The following PAPPA2 variants were observed in gnomAD, a reference collection of about 807,000 sequenced individuals.
PAPPA2 encodes pappalysin 2.
Under a neutral mutation model 176.4 loss-of-function variants are expected in PAPPA2, and 86 were observed. The observed-to-expected ratio is 0.49, with a 90% CI of 0.41 to 0.58. PAPPA2 has a LOEUF of 0.58. Ranked by LOEUF, PAPPA2 falls within the 20% of genes least tolerant of loss-of-function variation. The pLI is 0.00. For missense variants in PAPPA2, 2,073 were observed against 2,256.9 expected, an observed-to-expected ratio of 0.92 and a Z score of 1.65; for synonymous variants, 809 against 852.2, an observed-to-expected ratio of 0.95 and a Z score of 0.88.
In PAPPA2 at chr1:176,840,193, G is replaced by C; in HGVS notation, c.5223G>C (p.Trp1741Cys). 1 of 1,613,270 alleles carries C rather than the reference G, an allele frequency of 6.2e-7. No homozygotes were observed. The highest frequency in any genetic ancestry group is 8.5e-7 in the Non-Finnish European group (1 of 1,179,480). The change falls in exon 22 of 23, where the codon TGG (tryptophan) becomes TGC (cysteine). Residue 1741 changes from tryptophan to cysteine, a missense_variant. This residue lies in a region of PAPPA2 where 846 missense variants were observed against 857.9 expected (regional missense o/e 0.99). Transcript: ENST00000367662. ...TACAGCCCTTCCAAGCAGATGGTTG[G>C]TGTGACACTATCAACAACCGAGCCT... ...QSCEPFQADG[W>C]CDTINNRAYC... is the part of the protein sequence containing the mutation.
At chr1:176,824,198 T>C (rs1666770842) in intron 21 of PAPPA2, among the ~76,000 whole-genome samples, 1 of 152,206 alleles carries the variant, frequency 6.6e-6, no homozygotes, top group Non-Finnish European at 1.5e-5. Flanking sequence ...GAACATCTGC[T>C]GTGGGGAACA....
intron 3 of PAPPA2, among the ~76,000 whole-genome samples, chr1:176,630,541 G>T (rs576821322): frequency 6.6e-6 from 1 of 152,140 alleles, no homozygotes; most frequent in African/African-American, 2.4e-5. Flanking sequence ...TCAACATTTT[G>T]TAGAAGTATG....
chr1:176,518,243 C>A (rs1301636212), intron 1 of PAPPA2, among the ~76,000 whole-genome samples: 1 of 152,144 alleles, frequency 6.6e-6, no homozygotes, highest in Non-Finnish European at 1.5e-5. Context: ...TTGCCACCCT[C>A]CTAACTTTAA....
intron 14 of PAPPA2, among the ~76,000 whole-genome samples, chr1:176,764,638 T>C (rs866677869): frequency 2.1e-4 from 32 of 149,610 alleles, no homozygotes; most frequent in Middle Eastern, 3.5e-3. Flanking sequence ...GCTCTGTCGC[T>C]CAGGCTGGAG....
intron 21 of PAPPA2, among the ~76,000 whole-genome samples, chr1:176,801,913 GTCCC>G (rs1186487865): frequency 1.3e-5 from 2 of 152,136 alleles, no homozygotes; most frequent in Admixed American, 1.3e-4. Context: ...GCTGTCGTCA[GTCCC>G]TTTGTTGATG....
At chr1:176,519,566 C>T (rs557070659) in intron 1 of PAPPA2, among the ~76,000 whole-genome samples, 39 of 152,164 alleles carry the variant, frequency 2.6e-4, no homozygotes, top group Non-Finnish European at 4.4e-4. Flanking sequence ...TTTCTCCGTC[C>T]ATGCCATGAA....
At chr1:176,654,217 G>C (rs1267639238) in intron 3 of PAPPA2, among the ~76,000 whole-genome samples, 3 of 151,486 alleles carry the variant, frequency 2.0e-5, no homozygotes, top group African/African-American at 7.3e-5. Flanking sequence ...AATCCATCCT[G>C]AGTTGATTTT....
chr1:176,730,696 T>G (rs1006174854), intron 12 of PAPPA2, among the ~76,000 whole-genome samples: 4 of 152,024 alleles, frequency 2.6e-5, no homozygotes, highest in African/African-American at 9.7e-5. Context: ...TTCTAGGTTT[T>G]GGTGTTGAAA....
chr1:176,665,427 C>T (rs1485765177), intron 3 of PAPPA2, among the ~76,000 whole-genome samples: 2 of 152,176 alleles, frequency 1.3e-5, no homozygotes, highest in Non-Finnish European at 1.5e-5. Context: ...AGAGAGTTGG[C>T]GCCTGATGCA....
intron 1 of PAPPA2, among the ~76,000 whole-genome samples, chr1:176,553,152 G>A (rs553563267): frequency 6.6e-6 from 1 of 151,802 alleles, no homozygotes; most frequent in South Asian, 2.1e-4. Context: ...TGATTCACTT[G>A]ACAGATTATT....
At chr1:176,565,519 A>T (rs952256599) in intron 2 of PAPPA2, among the ~76,000 whole-genome samples, 2 of 151,958 alleles carry the variant, frequency 1.3e-5, no homozygotes, top group African/African-American at 4.8e-5. Context: ...ATATGACGAA[A>T]CCCCATCTCT....
At position 176,799,806 on chromosome 1, in the gene PAPPA2, G is replaced by A. The variant is rs186489829; in HGVS notation, c.5131-255G>A. Among the ~76,000 whole-genome samples, 281 of 152,108 alleles carry A rather than the reference G, an allele frequency of 1.8e-3. 7 individuals carry two copies. The highest frequency in any genetic ancestry group is 6.8e-4 in the Non-Finnish European group (46 of 67,996). On this transcript the variant is annotated intron_variant, in intron 20 of 22. Transcript: ENST00000367662. ...CACACTACACCACTCTGAAAATTTC[G>A]GTATCTTGGGAAAGAGGATGAAAAG...
At chr1:176,689,900 C>T (rs1297179092) in intron 4 of PAPPA2, among the ~76,000 whole-genome samples, 8 of 152,118 alleles carry the variant, frequency 5.3e-5, no homozygotes, top group Admixed American at 5.2e-4. Context: ...GTCAACATTG[C>T]TATCCTGGGC....
chr1:176,630,509 T>C (rs907798639), intron 3 of PAPPA2, among the ~76,000 whole-genome samples: 1 of 152,138 alleles, frequency 6.6e-6, no homozygotes, highest in South Asian at 2.1e-4. Flanking sequence ...TGAAGATTGT[T>C]TAAACAGATG....
At chr1:176,542,720 T>G (rs980868671) in intron 1 of PAPPA2, among the ~76,000 whole-genome samples, 1 of 152,172 alleles carries the variant, frequency 6.6e-6, no homozygotes, top group Non-Finnish European at 1.5e-5. Flanking sequence ...GATTTCCTGC[T>G]CCTGCTATGG....
chr1:176,766,120 C>A (rs375803000), intron 15 of PAPPA2, among the ~76,000 whole-genome samples: 1 of 152,120 alleles, frequency 6.6e-6, no homozygotes, highest in African/African-American at 2.4e-5. Flanking sequence ...CCTCCTTTTG[C>A]CTTTAAGATG....
At chr1:176,559,553 C>A (rs557278135) in intron 2 of PAPPA2, among the ~76,000 whole-genome samples, 1 of 152,316 alleles carries the variant, frequency 6.6e-6, no homozygotes, top group South Asian at 2.1e-4. Context: ...GCTCTCCATG[C>A]CTGAGAACCA....
chr1:176,504,548 T>TC (rs1188592800), intron 1 of PAPPA2, among the ~76,000 whole-genome samples: 3 of 152,152 alleles, frequency 2.0e-5, no homozygotes, highest in Non-Finnish European at 4.4e-5. Flanking sequence ...GCACAGACTG[T>TC]GTTCAGGATG....
At chr1:176,780,125 T>C (rs541044861) in intron 17 of PAPPA2, among the ~76,000 whole-genome samples, 3 of 152,296 alleles carry the variant, frequency 2.0e-5, no homozygotes, top group African/African-American at 4.8e-5. Flanking sequence ...TAACTTTGCT[T>C]TCTCAAGGAG....
Sources: gnomAD v4.1 joint callset for allele counts (sites outside exome capture counted in the v4.1 genomes callset) on GRCh38, gnomAD v4.1.1 for gene constraint, gnomAD v4.1.1 regional missense constraint, MANE v1.5 for transcripts, NCBI Gene and HGNC (gene_info 2026-07-23, HGNC 2026-07-21) for gene names.